MEI4: variants seen among roughly 807,000 people sequenced by gnomAD.
MEI4 encodes the protein meiosis-specific protein MEI4.
A neutral mutation model predicts 31.4 loss-of-function variants in MEI4; 27 were observed. The ratio of observed to expected loss-of-function variants is 0.86; its 90% confidence interval spans 0.63 to 1.19. The LOEUF is 1.19. MEI4 is among the 50% of genes most tolerant of loss of function. The pLI, the probability that MEI4 is intolerant of heterozygous loss-of-function variation, is 0.00. For missense variants in MEI4, 329 were observed against 398.9 expected, an observed-to-expected ratio of 0.82 and a Z score of 1.49; for synonymous variants, 122 against 145.4, an observed-to-expected ratio of 0.84 and a Z score of 1.16.
intron 2 of MEI4, among the ~76,000 whole-genome samples, chr6:77,734,994 C>T (rs1160152054): frequency 7.2e-5 from 11 of 152,048 alleles, no homozygotes; most frequent in South Asian, 6.2e-4. Context: ...GGGTTTCTGC[C>T]GAGAGATCCG....
chr6:77,701,382 A>G lies in MEI4; in HGVS notation c.232+10479A>G, dbSNP rs550455595. Among the ~76,000 whole-genome samples the G allele has an allele frequency of 5.0e-4, 76 of 152,250 alleles. 3 individuals are homozygous for G. The South Asian group carries it at 0.016, about 31-fold the overall frequency. On this transcript the variant is annotated intron_variant, in intron 2 of 4. Transcript: ENST00000684080. ...GCTTTGTTAATGGGAAAAATGGCAT[A>G]GAATTTCCGTAGGCAGATTTAGGAT...
chr6:77,875,131 A>G (rs936914435), intron 4 of MEI4, among the ~76,000 whole-genome samples: 1 of 152,164 alleles, frequency 6.6e-6, no homozygotes, highest in Non-Finnish European at 1.5e-5. Flanking sequence ...CAAGGCCTTC[A>G]GCTTCCTTGA....
Position 77,731,472 on chromosome 6 carries a change from G to T in MEI4, c.233-29658G>T, listed in dbSNP as rs1264520497. Among the ~76,000 whole-genome samples the T allele has an allele frequency of 1.5e-4, 22 of 151,092 alleles. No individual in the cohort carries two copies. The East Asian group carries it at 2.9e-3, about 20-fold the overall frequency. On this transcript the variant is annotated intron_variant, in intron 2 of 4. Coordinates refer to ENST00000684080, the MANE Select transcript of MEI4 (RefSeq NM_001322247.2). ...TGTCCTTTGCCCACTTTTTGATGGG[G>T]TTGTTTGTTTTTTTCTTGTAAATTT...
chr6:77,744,598 A>T (rs1372220725), intron 2 of MEI4, among the ~76,000 whole-genome samples: 1 of 152,218 alleles, frequency 6.6e-6, no homozygotes, highest in Non-Finnish European at 1.5e-5. Flanking sequence ...GCCAACATTC[A>T]GATTCAGGAA....
At chr6:77,699,694 C>A (rs1766163956) in intron 2 of MEI4, among the ~76,000 whole-genome samples, 1 of 152,068 alleles carries the variant, frequency 6.6e-6, no homozygotes, top group Non-Finnish European at 1.5e-5. Context: ...TGTGTTTTTT[C>A]CCCATCTTTG....
At chr6:77,834,973 C>T (rs1770179586) in intron 4 of MEI4, among the ~76,000 whole-genome samples, 1 of 152,156 alleles carries the variant, frequency 6.6e-6, no homozygotes, top group Non-Finnish European at 1.5e-5. Flanking sequence ...TGGCTGCCTT[C>T]AGCCAAGCAA....
chr6:77,713,662 G>A (rs761908217), intron 2 of MEI4, among the ~76,000 whole-genome samples: 14 of 152,192 alleles, frequency 9.2e-5, no homozygotes, highest in Non-Finnish European at 1.9e-4. Flanking sequence ...ACTGTGTTCA[G>A]TGATTTTGTG....
At chr6:77,910,404 T>C (rs1766405833) in intron 4 of MEI4, among the ~76,000 whole-genome samples, 1 of 152,134 alleles carries the variant, frequency 6.6e-6, no homozygotes, top group African/African-American at 2.4e-5. Flanking sequence ...AGCATTCTTA[T>C]ACACCAATAA....
intron 1 of MEI4, among the ~76,000 whole-genome samples, chr6:77,654,494 T>C (rs1768352781): frequency 7.0e-6 from 1 of 142,580 alleles, no homozygotes; most frequent in Admixed American, 7.3e-5. Context: ...TATCTGTGGG[T>C]TCTTTATCCA....
At chr6:77,767,384 A>G (rs1243390254) in intron 3 of MEI4, among the ~76,000 whole-genome samples, 1 of 150,758 alleles carries the variant, frequency 6.6e-6, no homozygotes, top group East Asian at 2.0e-4. Context: ...ATAAATAAAT[A>G]AATGAATAAA....
intron 2 of MEI4, among the ~76,000 whole-genome samples, chr6:77,692,907 G>C (rs1393861073): frequency 6.6e-6 from 1 of 152,002 alleles, no homozygotes. Flanking sequence ...GGATCTGTTG[G>C]ATTTAAGGAA....
At chr6:77,695,808 T>C (rs1400263466) in intron 2 of MEI4, among the ~76,000 whole-genome samples, 2 of 152,268 alleles carry the variant, frequency 1.3e-5, no homozygotes, top group African/African-American at 4.8e-5. Flanking sequence ...AAGAAAGTCA[T>C]TGGTAGCTTG....
chr6:77,797,600 A>G (rs1403321342), intron 3 of MEI4, among the ~76,000 whole-genome samples: 1 of 152,144 alleles, frequency 6.6e-6, no homozygotes, highest in Non-Finnish European at 1.5e-5. Flanking sequence ...CCGGCAAACC[A>G]CTGATGTAAA....
intron 2 of MEI4, among the ~76,000 whole-genome samples, chr6:77,739,827 C>A (rs561784499): frequency 1.3e-5 from 2 of 151,256 alleles, no homozygotes; most frequent in African/African-American, 4.8e-5. Context: ...TTGATTATTT[C>A]TTGTCTTCTG....
chr6:77,766,827 A>G (rs968366235), intron 3 of MEI4, among the ~76,000 whole-genome samples: 4 of 152,092 alleles, frequency 2.6e-5, no homozygotes, highest in African/African-American at 9.7e-5. Context: ...AAATATGTTG[A>G]CTTTTTAATT....
intron 4 of MEI4, among the ~76,000 whole-genome samples, chr6:77,834,794 A>G (rs972502158): frequency 1.3e-5 from 2 of 152,176 alleles, no homozygotes; most frequent in African/African-American, 4.8e-5. Context: ...ATTTGCCAGT[A>G]ATAAACTTCT....
chr6:77,879,672 G>A (rs1771431199), intron 4 of MEI4, among the ~76,000 whole-genome samples: 1 of 152,180 alleles, frequency 6.6e-6, no homozygotes, highest in Non-Finnish European at 1.5e-5. Flanking sequence ...TGAGAGCAGT[G>A]ACCTTTGTGG....
chr6:77,905,889 T>C lies in MEI4; in HGVS notation c.901-17200T>C, dbSNP rs141834954. On this transcript the variant is annotated intron_variant, in intron 4 of 4. Transcript: ENST00000684080. ...ATTTACAATACTTGATCTTTTCATTTTGTTCCATAAATTCAGTTTTCTTCT... is the reference window on the plus strand; with the variant it reads ...ATTTACAATACTTGATCTTTTCATTCTGTTCCATAAATTCAGTTTTCTTCT... 1.4e-3 allele frequency among the ~76,000 whole-genome samples: 213 copies of C among 151,858 alleles called. 1 individual carries two copies. Among genetic ancestry groups the C allele is most frequent in the African/African-American group, 4.5e-3 (187 of 41,514 alleles).
intron 3 of MEI4, among the ~76,000 whole-genome samples, chr6:77,771,791 G>T (rs999784224): frequency 1.3e-5 from 2 of 151,984 alleles, no homozygotes; most frequent in Non-Finnish European, 2.9e-5. Flanking sequence ...ACTGTATGGT[G>T]GTTGGTAGGA....
Sources: allele counts gnomAD v4.1 joint callset (sites outside exome capture counted in the v4.1 genomes callset), GRCh38; gene constraint gnomAD v4.1.1; transcripts MANE v1.5; gene names NCBI Gene and HGNC (gene_info 2026-07-23, HGNC 2026-07-21).